Variants in GMPR observed in about 807,000 individuals in gnomAD.
The protein encoded by GMPR is guanosine monophosphate reductase, also known as GMP reductase 1.
GMPR carries 31 observed loss-of-function variants against 38.4 expected under a neutral mutation model. The observed-to-expected ratio is 0.81, with a 90% CI of 0.61 to 1.09. The LOEUF is 1.09. GMPR is among the 50% of genes least tolerant of loss of function. The pLI, the probability that GMPR is intolerant of heterozygous loss-of-function variation, is 0.00. For missense variants in GMPR, 468 were observed against 453.7 expected, an observed-to-expected ratio of 1.03 and a Z score of -0.29; for synonymous variants, 162 against 173.3, an observed-to-expected ratio of 0.93 and a Z score of 0.51.
chr6:16,283,674 G>A (rs1326169905), intron 6 of GMPR, among the ~76,000 whole-genome samples: 4 of 152,110 alleles, frequency 2.6e-5, no homozygotes, highest in African/African-American at 9.7e-5. Context: ...ATTTTCTTGG[G>A]GTCCCAGTGG....
intron 6 of GMPR, among the ~76,000 whole-genome samples, chr6:16,284,135 A>G (rs1012070382): frequency 6.6e-6 from 1 of 152,238 alleles, no homozygotes; most frequent in Non-Finnish European, 1.5e-5. Flanking sequence ...ATGTATGAAT[A>G]ACACATTTGA....
At chr6:16,266,136 TC>T (rs1561826969) in intron 4 of GMPR, among the ~76,000 whole-genome samples, 3 of 42,626 alleles carry the variant, frequency 7.0e-5, no homozygotes, top group African/African-American at 3.9e-4. Context: ...ACACTTGCCA[TC>T]TTTAAGAGCT....
intron 2 of GMPR, among the ~76,000 whole-genome samples, chr6:16,248,406 A>G (rs1226659654): frequency 6.6e-6 from 1 of 151,366 alleles, no homozygotes; most frequent in Non-Finnish European, 1.5e-5. Context: ...CGTCTTCTGC[A>G]TCCTAGATGT....
chr6:16,273,219 TA>T (rs1561830369), intron 4 of GMPR, among the ~76,000 whole-genome samples: 1 of 152,244 alleles, frequency 6.6e-6, no homozygotes, highest in South Asian at 2.1e-4. Flanking sequence ...TTGTCTACGT[TA>T]AAAAAGAAAA....
chr6:16,255,982 G>A (rs1317975693), intron 4 of GMPR, among the ~76,000 whole-genome samples: 1 of 152,120 alleles, frequency 6.6e-6, no homozygotes, highest in African/African-American at 2.4e-5. Context: ...TTGGGAGGCC[G>A]AGGCAGGTGG....
At chr6:16,239,923 G>A (rs746059358) in intron 1 of GMPR, among the ~76,000 whole-genome samples, 8 of 152,280 alleles carry the variant, frequency 5.3e-5, no homozygotes, top group East Asian at 1.9e-4. Flanking sequence ...AAAACTTATC[G>A]CCCCAGATTG....
Position 16,285,650 on chromosome 6 carries a change from C to G in GMPR, c.655-143C>G, listed in dbSNP as rs571734292. 4 of 689,566 alleles carry G rather than the reference C, an allele frequency of 5.8e-6. No homozygotes were observed. The Admixed American group carries it at 6.2e-5, about 11-fold the overall frequency. The allele number at this position is 689,566 out of a possible 1,614,324, so 42.7% of individuals were successfully genotyped here. A position where few individuals can be genotyped will look rare whatever the true frequency, so the allele number is the denominator to read the frequency against. On this transcript the variant is annotated intron_variant, in intron 6 of 8. Coordinates refer to ENST00000259727, the MANE Select transcript of GMPR (RefSeq NM_006877.4). ...GTACACTCGATCAGACAACAACAGCCGTGGTAGGGGAACTTGGGCCCGTGG... is the reference window on the plus strand; with the variant it reads ...GTACACTCGATCAGACAACAACAGCGGTGGTAGGGGAACTTGGGCCCGTGG...
chr6:16,285,033 C>CAAAAAAAAAAAAAAAAAAA (rs11370216), intron 6 of GMPR, among the ~76,000 whole-genome samples: 1 of 108,600 alleles, frequency 9.2e-6, no homozygotes, highest in Admixed American at 9.4e-5. Context: ...AAAAAAAAAA[C>CAAAAAAAAAAAAAAAAAAA]AAAAAAAAAA....
chr6:16,279,458 C>T (rs950553756), intron 6 of GMPR, among the ~76,000 whole-genome samples: 1 of 152,190 alleles, frequency 6.6e-6, no homozygotes, highest in Non-Finnish European at 1.5e-5. Context: ...TAACTGATGA[C>T]GTGTCCATTG....
intron 2 of GMPR, among the ~76,000 whole-genome samples, chr6:16,249,856 G>A (rs1268477917): frequency 1.3e-5 from 2 of 152,206 alleles, no homozygotes; most frequent in African/African-American, 4.8e-5. Flanking sequence ...GGATAAGGTG[G>A]GGTTCTTCAG....
At chr6:16,247,009 A>G in intron 2 of GMPR, 48 bp downstream of exon 2, 1 of 1,590,326 alleles carries the variant, frequency 6.3e-7, no homozygotes, top group Non-Finnish European at 8.6e-7. Flanking sequence ...CACACTGTGG[A>G]CAGGTTATCA....
At chr6:16,289,407 G>C (rs143266764) in intron 7 of GMPR, 2 of 152,222 alleles carry the variant, frequency 1.3e-5, no homozygotes, top group African/African-American at 4.8e-5. Flanking sequence ...TTTTTCCCAC[G>C]TTTTTACTTT....
chr6:16,247,715 C>T (rs1460651691), intron 2 of GMPR, among the ~76,000 whole-genome samples: 7 of 152,102 alleles, frequency 4.6e-5, no homozygotes, highest in Non-Finnish European at 5.9e-5. Flanking sequence ...AAGATAGGTT[C>T]CTTTTACAGA....
chr6:16,274,679 G>A (rs45513699), intron 5 of GMPR, among the ~76,000 whole-genome samples, 183 bp downstream of exon 5: 5 of 152,282 alleles, frequency 3.3e-5, no homozygotes, highest in Non-Finnish European at 5.9e-5. Context: ...GTATTGTTGA[G>A]CTGCTTTTTG....
chr6:16,256,850 T>C (rs1349630602), intron 4 of GMPR, among the ~76,000 whole-genome samples: 1 of 152,194 alleles, frequency 6.6e-6, no homozygotes, highest in Non-Finnish European at 1.5e-5. Flanking sequence ...ATTTCCAGAG[T>C]GATGACAGCA....
chr6:16,254,615 C>G lies in GMPR; in HGVS notation c.345C>G (p.Ser115Arg), dbSNP rs747673655. The G allele has an allele frequency of 6.2e-7, 1 of 1,613,766 alleles. No homozygotes were observed. The highest frequency in any genetic ancestry group is 1.1e-5 in the South Asian group (1 of 91,086). ...SGQNDLEKMT[S>R]ILEAVPQVKF... Reference sequence around the variant, plus strand: ...AGAATGATCTGGAAAAGATGACCAGCATCCTGGAAGCTGTGCCACAGGTTA... The same window carrying G: ...AGAATGATCTGGAAAAGATGACCAGGATCCTGGAAGCTGTGCCACAGGTTA... Residue 115 changes from serine (S) to arginine (R), a missense_variant, in exon 4 of 9, where the codon AGC becomes AGG. Transcript: ENST00000259727.
intron 4 of GMPR, among the ~76,000 whole-genome samples, chr6:16,265,983 C>G (rs571089393): frequency 6.6e-6 from 1 of 152,164 alleles, no homozygotes; most frequent in African/African-American, 2.4e-5. Context: ...GGATGTGCAA[C>G]CTTTAAGAGC....
chr6:16,275,532 A>G (rs980403537), intron 5 of GMPR, among the ~76,000 whole-genome samples: 1 of 152,186 alleles, frequency 6.6e-6, no homozygotes, highest in Non-Finnish European at 1.5e-5. Context: ...TCATATTGCC[A>G]CTCATTTAAG....
intron 2 of GMPR, among the ~76,000 whole-genome samples, chr6:16,248,981 A>G (rs963663340): frequency 3.3e-5 from 5 of 152,100 alleles, no homozygotes; most frequent in Admixed American, 3.3e-4. Context: ...GATCCATAGA[A>G]CTAGCACAAG....
Sources: gnomAD v4.1 joint callset for allele counts (sites outside exome capture counted in the v4.1 genomes callset) on GRCh38, gnomAD v4.1.1 for gene constraint, MANE v1.5 for transcripts, NCBI Gene and HGNC (gene_info 2026-07-23, HGNC 2026-07-21) for gene names.